Variants in TULP4 observed in about 807,000 individuals in gnomAD.
TULP4 encodes the protein TUB like protein 4.
Under a neutral mutation model 129.0 loss-of-function variants are expected in TULP4, and 16 were observed. The ratio of observed to expected loss-of-function variants is 0.12; its 90% CI spans 0.08 to 0.19. The LOEUF (loss-of-function observed/expected upper bound fraction) is 0.19. Ranked by LOEUF, TULP4 falls within the 10% of genes least tolerant of loss-of-function variation. TULP4 has a pLI of 1.00. For missense variants in TULP4, 1,842 were observed against 2,059.1 expected, an observed-to-expected ratio of 0.89 and a Z score of 2.04; for synonymous variants, 998 against 854.0, an observed-to-expected ratio of 1.17 and a Z score of -2.94.
At chr6:158,384,997 G>A (rs185875404) in intron 1 of TULP4, among the ~76,000 whole-genome samples, 123 of 152,222 alleles carry the variant, frequency 8.1e-4, no homozygotes, top group African/African-American at 2.8e-3. Flanking sequence ...TCCCAAAGTC[G>A]GGCTTTTAAT....
At chr6:158,482,988 A>G (rs1381255593) in intron 8 of TULP4, among the ~76,000 whole-genome samples, 7 of 152,212 alleles carry the variant, frequency 4.6e-5, no homozygotes, top group Non-Finnish European at 2.9e-5. Context: ...AGGGAATAAG[A>G]TGTTGTATTT....
chr6:158,342,063 G>C (rs9364958), intron 1 of TULP4, among the ~76,000 whole-genome samples: 131,085 of 152,232 alleles, frequency 0.86, 56,868 homozygotes, highest in South Asian at 0.93. Context: ...GGATTACAAG[G>C]ATGTGCCACC....
chr6:158,241,881 C>T (rs2128446544), intron 1 of TULP4: 1 of 714,032 alleles, frequency 1.4e-6, no homozygotes, highest in Non-Finnish European at 2.6e-6. Flanking sequence ...GCATGAGCCA[C>T]CGCGCCAGGC....
chr6:158,316,193 C>T (rs993988289), intron 1 of TULP4, among the ~76,000 whole-genome samples: 7 of 152,114 alleles, frequency 4.6e-5, no homozygotes, highest in Non-Finnish European at 8.8e-5. Flanking sequence ...TTCTCCTGTT[C>T]CTGGGTATTT....
At chr6:158,271,953 C>G (rs1310631192) in intron 1 of TULP4, among the ~76,000 whole-genome samples, 1 of 152,128 alleles carries the variant, frequency 6.6e-6, no homozygotes, top group Non-Finnish European at 1.5e-5. Context: ...GACACATGTG[C>G]AGTGGAGGGT....
intron 1 of TULP4, among the ~76,000 whole-genome samples, chr6:158,365,224 C>T (rs1231979817): frequency 6.6e-6 from 1 of 151,970 alleles, no homozygotes; most frequent in African/African-American, 2.4e-5. Context: ...TGTTACTTCA[C>T]TTCTCATAGA....
intron 1 of TULP4, among the ~76,000 whole-genome samples, chr6:158,293,988 T>C (rs1034249054): frequency 9.2e-5 from 14 of 152,098 alleles, no homozygotes; most frequent in African/African-American, 3.1e-4. Context: ...TAAAACTAAT[T>C]AGGAAACAAA....
intron 11 of TULP4, among the ~76,000 whole-genome samples, chr6:158,495,302 C>T (rs1449484004): frequency 2.0e-5 from 3 of 152,174 alleles, no homozygotes; most frequent in Admixed American, 2.0e-4. Context: ...ATTTGCCCAC[C>T]TCAACCTTCC....
intron 1 of TULP4, among the ~76,000 whole-genome samples, chr6:158,303,222 C>T (rs1275365494): frequency 2.0e-5 from 3 of 151,742 alleles, no homozygotes; most frequent in African/African-American, 7.3e-5. Context: ...GCAATTGACT[C>T]ACCAGCCAGA....
chr6:158,434,274 G>A (rs113845632), intron 3 of TULP4, among the ~76,000 whole-genome samples: 1,535 of 152,268 alleles, frequency 0.01, 19 homozygotes, highest in South Asian at 0.036. Context: ...ATAATAGACT[G>A]ATAGAAAATA....
chr6:158,499,426 A>G (rs927704860), intron 12 of TULP4, among the ~76,000 whole-genome samples: 1 of 152,240 alleles, frequency 6.6e-6, no homozygotes, highest in African/African-American at 2.4e-5. Flanking sequence ...GTAAATATCA[A>G]TATCCATAGC....
chr6:158,244,437 C>T (rs560371101), intron 1 of TULP4, among the ~76,000 whole-genome samples: 1 of 152,130 alleles, frequency 6.6e-6, no homozygotes, highest in Non-Finnish European at 1.5e-5. Flanking sequence ...TATGTTGAAG[C>T]CCTAAGTCCC....
chr6:158,414,395 G>A (rs1004237888), intron 2 of TULP4, among the ~76,000 whole-genome samples: 1 of 91,980 alleles, frequency 1.1e-5, no homozygotes, highest in Non-Finnish European at 3.3e-5. Context: ...CATGACTTCT[G>A]TGTGGGAGAT....
intron 3 of TULP4, among the ~76,000 whole-genome samples, chr6:158,439,616 C>T (rs1461440385): frequency 6.6e-6 from 1 of 151,678 alleles, no homozygotes; most frequent in Non-Finnish European, 1.5e-5. Flanking sequence ...TTTTAGTTTC[C>T]CTGCAAAGAC....
chr6:158,323,889 G>C (rs1029708548), intron 1 of TULP4, among the ~76,000 whole-genome samples: 27 of 152,138 alleles, frequency 1.8e-4, no homozygotes, highest in African/African-American at 6.3e-4. Flanking sequence ...TAGTATATAC[G>C]TAGGATCTTT....
At chr6:158,305,775 T>C (rs1779208695) in intron 1 of TULP4, among the ~76,000 whole-genome samples, 1 of 152,144 alleles carries the variant, frequency 6.6e-6, no homozygotes, top group Admixed American at 6.5e-5. Context: ...GCCATGAACA[T>C]TGGCATACAA....
At position 158,509,481 on chromosome 6, in the gene TULP4, A is replaced by G. The variant is rs952810561; in HGVS notation, c.*2787A>G. The G allele has an allele frequency of 6.6e-6, 1 of 152,208 alleles. No individual in the cohort carries two copies. The highest frequency in any genetic ancestry group is 1.5e-5 in the Non-Finnish European group (1 of 68,042). The allele number at this position is 152,208 out of a possible 1,614,324, so 9.4% of individuals were successfully genotyped here. On this transcript the variant is annotated 3_prime_UTR_variant, in exon 14 of 14. Transcript: ENST00000367097. ...TGTGTTCTAATTGTTTTTGAGATAT[A>G]AAGACCCTGAAAAAGCCCATTTTAG... is the stretch of plus-strand genomic sequence containing the variant.
chr6:158,239,668 G>C (rs1777815077), intron 1 of TULP4, among the ~76,000 whole-genome samples: 1 of 70,962 alleles, frequency 1.4e-5, no homozygotes, highest in Non-Finnish European at 3.1e-5. Context: ...CCCGGACCGG[G>C]CGGCTGGCCG....
chr6:158,238,094 G>T (rs548268859), intron 1 of TULP4: 17 of 718,268 alleles, frequency 2.4e-5, no homozygotes, highest in Admixed American at 1.8e-4. Context: ...GGCTACACAT[G>T]GTCACTAATG....
Sources: allele counts gnomAD v4.1 joint callset (sites outside exome capture counted in the v4.1 genomes callset), GRCh38; gene constraint gnomAD v4.1.1; transcripts MANE v1.5; gene names NCBI Gene and HGNC (gene_info 2026-07-23, HGNC 2026-07-21).